The following RGS6 variants were observed in gnomAD, a reference collection of about 807,000 sequenced individuals.
RGS6 encodes regulator of G protein signaling 6, also known as regulator of G-protein signaling 6.
Under a neutral mutation model 78.5 loss-of-function variants are expected in RGS6, and 30 were observed. That is an observed-to-expected ratio of 0.38 (90% confidence interval 0.29 to 0.52). RGS6 has a LOEUF of 0.52. Ranked by LOEUF, RGS6 falls within the 20% of genes least tolerant of loss-of-function variation. The probability of loss-of-function intolerance (pLI) is 0.85; values close to 1 mark genes in which losing one functional copy is unlikely to be tolerated. For missense variants in RGS6, 495 were observed against 609.7 expected (o/e 0.81, Z 1.98); for synonymous variants, 206 against 206.0 (o/e 1.00, Z 0.00).
At chr14:71,908,353 G>A in the RGS6 span, 28 of 152,346 alleles carry the variant, frequency 1.8e-4, no homozygotes, top group East Asian at 1.5e-3. Context: ...GCCGTCTAGC[G>A]AGAGTTTCCA....
At chr14:72,473,458 A>T (rs1396659816) in intron 9 of RGS6, among the ~76,000 whole-genome samples, 1 of 152,166 alleles carries the variant, frequency 6.6e-6, no homozygotes, top group Non-Finnish European at 1.5e-5. Flanking sequence ...GAAAAAAAAA[A>T]TTATTCATTC....
intron 2 of RGS6, among the ~76,000 whole-genome samples, chr14:72,036,523 G>A (rs1290765395): frequency 1.3e-5 from 2 of 152,144 alleles, no homozygotes; most frequent in Non-Finnish European, 2.9e-5. Context: ...ATTCTAATAT[G>A]TGTATAGGGT....
At chr14:72,243,369 C>A (rs1225290893) in intron 2 of RGS6, among the ~76,000 whole-genome samples, 1 of 152,074 alleles carries the variant, frequency 6.6e-6, no homozygotes, top group Non-Finnish European at 1.5e-5. Flanking sequence ...TTGTCGCCAC[C>A]CTTGATTTGA....
chr14:72,119,909 C>T (rs1034117354), intron 2 of RGS6, among the ~76,000 whole-genome samples: 1 of 152,152 alleles, frequency 6.6e-6, no homozygotes, highest in Non-Finnish European at 1.5e-5. Context: ...AAGGATATTC[C>T]GGTAGCAGAA....
chr14:71,971,804 C>G (rs376847858), intron 2 of RGS6, among the ~76,000 whole-genome samples: 1 of 151,840 alleles, frequency 6.6e-6, no homozygotes, highest in South Asian at 2.1e-4. Flanking sequence ...CCTTAGGGGC[C>G]GTTGGAATGG....
At chr14:72,152,867 G>A (rs1183271066) in intron 2 of RGS6, among the ~76,000 whole-genome samples, 1 of 152,060 alleles carries the variant, frequency 6.6e-6, no homozygotes, top group African/African-American at 2.4e-5. Context: ...CACTTTGAAG[G>A]GTGAGAAAAA....
intron 2 of RGS6, among the ~76,000 whole-genome samples, chr14:72,193,284 G>A (rs1056428372): frequency 1.3e-5 from 2 of 152,200 alleles, no homozygotes. Context: ...ATGAGCCACT[G>A]TGCCTGGCCC....
At chr14:72,077,631 CT>C (rs909549870) in intron 2 of RGS6, among the ~76,000 whole-genome samples, 6 of 151,900 alleles carry the variant, frequency 3.9e-5, no homozygotes, top group Non-Finnish European at 7.4e-5. Flanking sequence ...ATCTGCCTGT[CT>C]TTTTTTTGTG....
rs115475928 is a variant in RGS6, at chr14:72,278,217, A to G, written c.85-73878A>G. Reference sequence around the variant, plus strand: ...ATTATGAATCTCTGAGCATCCTTCAACGATTCCTGAATTTTCAAAACAGTT... The same window carrying G: ...ATTATGAATCTCTGAGCATCCTTCAGCGATTCCTGAATTTTCAAAACAGTT... On this transcript the variant is annotated intron_variant, in intron 2 of 17. Transcript: ENST00000553525. 6.9e-3 allele frequency among the ~76,000 whole-genome samples: 1,044 copies of G among 152,342 alleles called. 16 individuals carry two copies. The highest frequency in any genetic ancestry group is 0.024 in the African/African-American group (1,000 of 41,582).
chr14:72,496,361 TTC>T (rs2096645333), intron 13 of RGS6, among the ~76,000 whole-genome samples: 1 of 152,196 alleles, frequency 6.6e-6, no homozygotes, highest in Non-Finnish European at 1.5e-5. Context: ...CTTAAGATGG[TTC>T]AGTTTCAACA....
At chr14:72,609,624 C>A in the RGS6 span, among the ~76,000 whole-genome samples, 1 of 152,152 alleles carries the variant, frequency 6.6e-6, no homozygotes, top group Non-Finnish European at 1.5e-5. Flanking sequence ...GTGGGAAGGG[C>A]ACATCCCCAG....
intron 2 of RGS6, among the ~76,000 whole-genome samples, chr14:72,002,169 G>A (rs1253374203): frequency 1.3e-5 from 2 of 151,990 alleles, no homozygotes; most frequent in Non-Finnish European, 2.9e-5. Context: ...GATTACAGAC[G>A]TGAGCCACTG....
intron 2 of RGS6, among the ~76,000 whole-genome samples, chr14:72,150,378 CAG>C (rs1007986276): frequency 6.6e-6 from 1 of 152,100 alleles, no homozygotes; most frequent in African/African-American, 2.4e-5. Context: ...CTCTAAAACT[CAG>C]AGAGAATAAA....
chr14:72,395,699 CA>C (rs2091075138), intron 3 of RGS6, among the ~76,000 whole-genome samples: 1 of 150,812 alleles, frequency 6.6e-6, no homozygotes, highest in Non-Finnish European at 1.5e-5. Context: ...CACCCCACAA[CA>C]GGCCCCGGTG....
At chr14:72,271,396 G>C (rs954561266) in intron 2 of RGS6, among the ~76,000 whole-genome samples, 1 of 151,988 alleles carries the variant, frequency 6.6e-6, no homozygotes. Flanking sequence ...AACAGTATGG[G>C]GAAAACCACC....
At chr14:72,619,028 G>A in the RGS6 span, among the ~76,000 whole-genome samples, 1 of 152,216 alleles carries the variant, frequency 6.6e-6, no homozygotes, top group Admixed American at 6.5e-5. Context: ...AAGTGAGAGG[G>A]GTTCCACAGG....
chr14:72,308,870 C>G (rs549088685), intron 2 of RGS6, among the ~76,000 whole-genome samples: 5 of 152,170 alleles, frequency 3.3e-5, no homozygotes, highest in South Asian at 2.1e-4. Context: ...CCTCAGTTCT[C>G]TAAATCTAGA....
At chr14:72,197,476 G>A (rs952662498) in intron 2 of RGS6, among the ~76,000 whole-genome samples, 3 of 152,176 alleles carry the variant, frequency 2.0e-5, no homozygotes, top group African/African-American at 4.8e-5. Context: ...ACTGTCCTGC[G>A]AGGGATACAC....
intron 2 of RGS6, among the ~76,000 whole-genome samples, chr14:72,178,115 A>G (rs1811333826): frequency 6.6e-6 from 1 of 152,234 alleles, no homozygotes; most frequent in South Asian, 2.1e-4. Context: ...ACCAGATCTC[A>G]GGATGGACAT....
Sources: gnomAD v4.1 joint callset for allele counts (sites outside exome capture counted in the v4.1 genomes callset) on GRCh38, gnomAD v4.1.1 for gene constraint, MANE v1.5 for transcripts, NCBI Gene and HGNC (gene_info 2026-07-23, HGNC 2026-07-21) for gene names.